PDZRN4: variants seen among roughly 807,000 people sequenced by gnomAD.
PDZRN4 encodes the protein PDZ domain-containing RING finger protein 4.
A neutral mutation model predicts 99.0 loss-of-function variants in PDZRN4; 70 were observed. The ratio of observed to expected loss-of-function variants is 0.71; its 90% confidence interval spans 0.58 to 0.86. The LOEUF (loss-of-function observed/expected upper bound fraction) is 0.86. PDZRN4 is among the 40% of genes least tolerant of loss of function. PDZRN4 has a pLI of 0.00. For synonymous variants in PDZRN4, 551 were observed against 501.6 expected, an observed-to-expected ratio of 1.10 and a Z score of -1.32; for missense variants, 1,474 against 1,331.2, an observed-to-expected ratio of 1.11 and a Z score of -1.67.
At chr12:41,356,422 G>A (rs1468245349) in intron 3 of PDZRN4, among the ~76,000 whole-genome samples, 1 of 151,846 alleles carries the variant, frequency 6.6e-6, no homozygotes, top group African/African-American at 2.4e-5. Flanking sequence ...GAAGGTGGCA[G>A]GTTTTAGAAT....
chr12:41,398,186 C>A (rs1211482337), intron 3 of PDZRN4, among the ~76,000 whole-genome samples: 1 of 152,134 alleles, frequency 6.6e-6, no homozygotes, highest in African/African-American at 2.4e-5. Context: ...ATTTGCAGAC[C>A]CCGTGTCCTC....
chr12:41,568,172 A>G (rs1208401777), intron 9 of PDZRN4, among the ~76,000 whole-genome samples: 1 of 152,228 alleles, frequency 6.6e-6, no homozygotes, highest in Non-Finnish European at 1.5e-5. Context: ...CTTCAAACTA[A>G]TTGCAGAAAT....
In PDZRN4 at chr12:41,381,349, C is replaced by T. The variant is rs533907525; in HGVS notation, c.844-125107C>T. On this transcript the variant is annotated intron_variant, in intron 3 of 9. Transcript: ENST00000402685. Reference sequence around the variant, plus strand: ...CTCTTTCTCTCTCTCTCTCTCCCCTCTTATTTCCATAATATATAGTTTTGC... The same window carrying T: ...CTCTTTCTCTCTCTCTCTCTCCCCTTTTATTTCCATAATATATAGTTTTGC... 3.3e-5 allele frequency among the ~76,000 whole-genome samples: 5 copies of T among 152,020 alleles called. No homozygotes were observed. In the East Asian group the frequency reaches 9.7e-4, roughly 29 times the overall value.
chr12:41,195,403 C>T (rs1950764342), intron 3 of PDZRN4, among the ~76,000 whole-genome samples: 1 of 152,050 alleles, frequency 6.6e-6, no homozygotes. Flanking sequence ...GGCAGATTTT[C>T]TATATTAAAT....
At chr12:41,418,839 G>A (rs1400379807) in intron 3 of PDZRN4, among the ~76,000 whole-genome samples, 2 of 152,172 alleles carry the variant, frequency 1.3e-5, no homozygotes, top group African/African-American at 4.8e-5. Context: ...GTAGGGTGTA[G>A]GTGTCAGCTG....
intron 3 of PDZRN4, among the ~76,000 whole-genome samples, chr12:41,215,515 G>A (rs140255573): frequency 2.0e-5 from 3 of 151,922 alleles, no homozygotes; most frequent in African/African-American, 4.8e-5. Context: ...TAAACAAAAA[G>A]TATACAATTT....
intron 1 of PDZRN4, among the ~76,000 whole-genome samples, chr12:41,190,485 G>T (rs368282169): frequency 6.6e-6 from 1 of 152,322 alleles, no homozygotes; most frequent in East Asian, 1.9e-4. Flanking sequence ...TAATATTACA[G>T]AAAAGTCCAT....
At chr12:41,555,241 A>AAAAAATAAAGAAAAG (rs35843969) in intron 6 of PDZRN4, among the ~76,000 whole-genome samples, 1 of 119,966 alleles carries the variant, frequency 8.3e-6, no homozygotes, top group African/African-American at 3.2e-5. Context: ...AAAAAAAAAA[A>AAAAAATAAAGAAAAG]AAAAAAAAGA....
intron 3 of PDZRN4, among the ~76,000 whole-genome samples, chr12:41,329,302 A>G (rs990891765): frequency 3.3e-5 from 5 of 152,116 alleles, no homozygotes; most frequent in Admixed American, 1.3e-4. Flanking sequence ...TGTATTCAAT[A>G]TGTTCTTCCA....
chr12:41,405,536 A>G (rs1036895804), intron 3 of PDZRN4, among the ~76,000 whole-genome samples: 3 of 152,184 alleles, frequency 2.0e-5, no homozygotes, highest in Non-Finnish European at 2.9e-5. Flanking sequence ...GAAAGCAGTT[A>G]AGAGATTTCT....
intron 5 of PDZRN4, among the ~76,000 whole-genome samples, chr12:41,511,747 C>T (rs1274924811): frequency 6.6e-6 from 1 of 152,174 alleles, no homozygotes; most frequent in African/African-American, 2.4e-5. Context: ...CATAGAGTGG[C>T]ACATGCCATC....
chr12:41,208,163 A>G (rs527446016), intron 3 of PDZRN4, among the ~76,000 whole-genome samples: 5 of 152,024 alleles, frequency 3.3e-5, no homozygotes, highest in African/African-American at 1.2e-4. Context: ...CCCAGGATTC[A>G]ACTGTTAAAT....
At chr12:41,551,471 CCAAT>C (rs972635379) in intron 5 of PDZRN4, among the ~76,000 whole-genome samples, 8 of 152,112 alleles carry the variant, frequency 5.3e-5, no homozygotes, top group Non-Finnish European at 8.8e-5. Flanking sequence ...ACCTCTATTT[CCAAT>C]CAAAGAGGAA....
intron 3 of PDZRN4, among the ~76,000 whole-genome samples, chr12:41,452,561 G>T (rs1316101121): frequency 6.6e-6 from 1 of 152,010 alleles, no homozygotes; most frequent in Non-Finnish European, 1.5e-5. Flanking sequence ...CATAGCAAAT[G>T]GTACCCCTGC....
At chr12:41,312,885 C>T (rs1951616331) in intron 3 of PDZRN4, among the ~76,000 whole-genome samples, 1 of 152,152 alleles carries the variant, frequency 6.6e-6, no homozygotes, top group African/African-American at 2.4e-5. Flanking sequence ...ACCCTGCAGC[C>T]CCCGGAGGCT....
chr12:41,472,405 G>T (rs1270022818), intron 3 of PDZRN4, among the ~76,000 whole-genome samples: 1 of 152,038 alleles, frequency 6.6e-6, no homozygotes, highest in Non-Finnish European at 1.5e-5. Context: ...CCCTTTTATA[G>T]ATATACATTT....
chr12:41,440,044 A>G (rs1952665071), intron 3 of PDZRN4, among the ~76,000 whole-genome samples: 1 of 152,164 alleles, frequency 6.6e-6, no homozygotes, highest in Admixed American at 6.6e-5. Context: ...AGCACACATG[A>G]AAGTGAACAT....
Position 41,205,369 on chromosome 12 carries a change from C to T in PDZRN4, c.843+11181C>T, listed in dbSNP as rs74077144. Reference sequence around the variant, plus strand: ...CCTTCTGTCTATAATTCCTGAAAACCTTCCCTGCGCATGGGATAAAATGTA... The same window carrying T: ...CCTTCTGTCTATAATTCCTGAAAACTTTCCCTGCGCATGGGATAAAATGTA... On this transcript the variant is annotated intron_variant, in intron 3 of 9. Coordinates refer to ENST00000402685, the MANE Select transcript of PDZRN4 (RefSeq NM_001164595.2). Among the ~76,000 whole-genome samples, 371 of 151,976 alleles carry T rather than the reference C, an allele frequency of 2.4e-3. 2 individuals carry two copies. The highest frequency in any genetic ancestry group is 8.8e-3 in the African/African-American group (364 of 41,496).
intron 3 of PDZRN4, among the ~76,000 whole-genome samples, chr12:41,214,875 G>A (rs1950910975): frequency 6.6e-6 from 1 of 151,944 alleles, no homozygotes; most frequent in Admixed American, 6.6e-5. Flanking sequence ...TAATGTATCT[G>A]TTTGAGAGAA....
Sources: allele counts gnomAD v4.1 joint callset (sites outside exome capture counted in the v4.1 genomes callset), GRCh38; gene constraint gnomAD v4.1.1; transcripts MANE v1.5; gene names NCBI Gene and HGNC (gene_info 2026-07-23, HGNC 2026-07-21).